The following ZFR variants were observed in gnomAD, a reference collection of about 807,000 sequenced individuals.
ZFR encodes the protein zinc finger RNA-binding protein.
A neutral mutation model predicts 130.7 loss-of-function variants in ZFR; 19 were observed. The ratio of observed to expected loss-of-function variants is 0.15; its 90% CI spans 0.10 to 0.21. The LOEUF (loss-of-function observed/expected upper bound fraction) is 0.21, where lower values mean the gene tolerates loss of function less well. Ranked by LOEUF, ZFR falls within the 10% of genes least tolerant of loss-of-function variation. The pLI, the probability that ZFR is intolerant of heterozygous loss-of-function variation, is 1.00. For synonymous variants in ZFR, 466 were observed against 456.9 expected, an observed-to-expected ratio of 1.02 and a Z score of -0.25; for missense variants, 872 against 1,321.5, an observed-to-expected ratio of 0.66 and a Z score of 5.27.
chr5:32,444,734 A>G lies in ZFR; in HGVS notation c.-76T>C. 3 of 1,481,674 alleles carry G rather than the reference A, an allele frequency of 2.0e-6. No homozygotes were observed. Among genetic ancestry groups the G allele is most frequent in the Non-Finnish European group, 2.7e-6 (3 of 1,116,216 alleles). The allele number at this position is 1,481,674 out of a possible 1,614,324, so 91.8% of individuals were successfully genotyped here. Reference sequence around the variant, plus strand: ...CCTCTGCCCCGCTCCTCCTCAGCGGAGAACAGACCGCCGCCTCCGACCGCA... The same window carrying G: ...CCTCTGCCCCGCTCCTCCTCAGCGGGGAACAGACCGCCGCCTCCGACCGCA... On this transcript the variant is annotated 5_prime_UTR_variant, in exon 1 of 20. Transcript: ENST00000265069.
intron 19 of ZFR, among the ~76,000 whole-genome samples, chr5:32,358,847 A>G (rs912651699): frequency 1.3e-5 from 2 of 152,166 alleles, no homozygotes; most frequent in Admixed American, 6.5e-5. Context: ...AGGGAAGGCA[A>G]ACTTTGGCAC....
chr5:32,433,527 T>C lies in ZFR; in HGVS notation c.137+10702A>G, dbSNP rs561021474. Among the ~76,000 whole-genome samples, 10 of 152,340 alleles carry C rather than the reference T, an allele frequency of 6.6e-5. No individual in the cohort carries two copies. In the East Asian group the frequency reaches 1.9e-3, roughly 29 times the overall value. ...CATCATTACTTCTGGTTCTTCTTCC[T>C]GCACTTGCAGGGTCAAAATACAATC... On this transcript the variant is annotated intron_variant, in intron 2 of 19. Coordinates refer to ENST00000265069, the MANE Select transcript of ZFR (RefSeq NM_016107.5).
At chr5:32,421,483 A>G (rs546499913) in intron 2 of ZFR, among the ~76,000 whole-genome samples, 1 of 152,340 alleles carries the variant, frequency 6.6e-6, no homozygotes, top group African/African-American at 2.4e-5. Context: ...CTGATAAACT[A>G]GGAAGTTCAT....
At position 32,361,889 on chromosome 5, in the gene ZFR, C is replaced by T. The variant is rs758695065; in HGVS notation, c.3045+2059G>A. Reference sequence around the variant, plus strand: ...TTGACCTCCTTAAGTGCTGGGATTACAGGTGGAAGCCACTGCACCCGGCCC... The same window carrying T: ...TTGACCTCCTTAAGTGCTGGGATTATAGGTGGAAGCCACTGCACCCGGCCC... On this transcript the variant is annotated intron_variant, in intron 19 of 19. Coordinates refer to ENST00000265069, the MANE Select transcript of ZFR (RefSeq NM_016107.5). 5.3e-5 allele frequency among the ~76,000 whole-genome samples: 8 copies of T among 152,242 alleles called. No individual in the cohort carries two copies. The South Asian group carries it at 8.3e-4, about 16-fold the overall frequency.
At chr5:32,394,113 T>C (rs774131942) in intron 11 of ZFR, among the ~76,000 whole-genome samples, 13 of 152,238 alleles carry the variant, frequency 8.5e-5, no homozygotes, top group Non-Finnish European at 1.5e-4. Flanking sequence ...AATACGTGTA[T>C]GGTATGTTTC....
At chr5:32,381,240 A>G (rs1428870107) in intron 15 of ZFR, among the ~76,000 whole-genome samples, 1 of 152,226 alleles carries the variant, frequency 6.6e-6, no homozygotes, top group African/African-American at 2.4e-5. Flanking sequence ...AACCAGGACA[A>G]GAAGTTAACT....
At chr5:32,431,208 G>GAA (rs1754207146) in intron 2 of ZFR, among the ~76,000 whole-genome samples, 1 of 152,068 alleles carries the variant, frequency 6.6e-6, no homozygotes, top group African/African-American at 2.4e-5. Context: ...TAAATATGAA[G>GAA]GTAAACTTAA....
At chr5:32,362,786 A>C (rs1752466157) in intron 19 of ZFR, among the ~76,000 whole-genome samples, 1 of 152,202 alleles carries the variant, frequency 6.6e-6, no homozygotes, top group African/African-American at 2.4e-5. Flanking sequence ...TGTTCTCCTA[A>C]ACGTCCTCTT....
intron 2 of ZFR, among the ~76,000 whole-genome samples, chr5:32,429,211 C>G (rs1754146170): frequency 6.6e-6 from 1 of 152,114 alleles, no homozygotes; most frequent in Non-Finnish European, 1.5e-5. Flanking sequence ...TGGTCTCGAT[C>G]TCCTGACCTC....
intron 19 of ZFR, among the ~76,000 whole-genome samples, chr5:32,358,285 A>G (rs1752354905): frequency 6.6e-6 from 1 of 152,068 alleles, no homozygotes; most frequent in Non-Finnish European, 1.5e-5. Context: ...TGAACCCGGG[A>G]GGCACAGGTT....
intron 2 of ZFR, among the ~76,000 whole-genome samples, chr5:32,421,482 T>C (rs1282375044): frequency 6.6e-6 from 1 of 152,154 alleles, no homozygotes; most frequent in Non-Finnish European, 1.5e-5. Flanking sequence ...ACTGATAAAC[T>C]AGGAAGTTCA....
intron 17 of ZFR, among the ~76,000 whole-genome samples, chr5:32,376,879 G>A (rs920469078): frequency 3.3e-5 from 5 of 151,490 alleles, no homozygotes; most frequent in African/African-American, 2.4e-5. Context: ...CTTGGAAAAC[G>A]GAGGCAGGAG....
At chr5:32,437,674 C>T (rs987761282) in intron 2 of ZFR, among the ~76,000 whole-genome samples, 1 of 152,080 alleles carries the variant, frequency 6.6e-6, no homozygotes, top group Admixed American at 6.6e-5. Flanking sequence ...ACCTGATGAT[C>T]TATGTCTCTG....
At chr5:32,388,020 A>G (rs1234412051) in intron 13 of ZFR, among the ~76,000 whole-genome samples, 1 of 152,228 alleles carries the variant, frequency 6.6e-6, no homozygotes, top group African/African-American at 2.4e-5. Context: ...TGGTAAAAGG[A>G]AAATAAAAAG....
At chr5:32,370,320 A>C (rs932248048) in intron 17 of ZFR, among the ~76,000 whole-genome samples, 5 of 12,486 alleles carry the variant, frequency 4.0e-4, no homozygotes, top group Admixed American at 2.2e-3. Context: ...GGAGAGAGAG[A>C]GAGAGAGAGA....
At chr5:32,371,692 A>G (rs1489116236) in intron 17 of ZFR, among the ~76,000 whole-genome samples, 1 of 152,194 alleles carries the variant, frequency 6.6e-6, no homozygotes, top group African/African-American at 2.4e-5. Context: ...AGAATTTGCT[A>G]TCCTGAAGAC....
rs1033867342 is a variant in ZFR at position 32,444,715 on chromosome 5, C to T, written c.-57G>A. ...TCTCACCCGCTGCCTCCCTCCTCTG[C>T]CCCGCTCCTCCTCAGCGGAGAACAG... is the stretch of plus-strand genomic sequence containing the variant. On this transcript the variant is annotated 5_prime_UTR_variant, in exon 1 of 20. Transcript: ENST00000265069. The T allele has an allele frequency of 2.7e-6, 4 of 1,496,384 alleles. No homozygotes were observed. The highest frequency in any genetic ancestry group is 3.6e-6 in the Non-Finnish European group (4 of 1,122,758). The allele number at this position is 1,496,384 out of a possible 1,614,324, so 92.7% of individuals were successfully genotyped here.
chr5:32,414,471 C>A (rs918236098), intron 5 of ZFR, among the ~76,000 whole-genome samples: 22 of 152,160 alleles, frequency 1.4e-4, no homozygotes, highest in Admixed American at 1.4e-3. Context: ...AATAAAGGTA[C>A]TCTGTTCTTC....
chr5:32,443,218 C>A (rs1042769933), intron 2 of ZFR, among the ~76,000 whole-genome samples: 8 of 152,106 alleles, frequency 5.3e-5, no homozygotes, highest in Non-Finnish European at 1.0e-4. Context: ...GAGCCGTGTG[C>A]GCTTATGGCC....
Sources: gnomAD v4.1 joint callset for allele counts (sites outside exome capture counted in the v4.1 genomes callset) on GRCh38, gnomAD v4.1.1 for gene constraint, MANE v1.5 for transcripts, NCBI Gene and HGNC (gene_info 2026-07-23, HGNC 2026-07-21) for gene names.